The following SOS2 variants were observed in gnomAD, a reference collection of about 807,000 sequenced individuals.
SOS2 encodes son of sevenless homolog 2.
Under a neutral mutation model 148.2 loss-of-function variants are expected in SOS2, and 65 were observed. That is an observed-to-expected ratio of 0.44 (90% CI 0.36 to 0.54). SOS2 has a LOEUF of 0.54. Among genes scored for constraint, SOS2 ranks in the 20% least tolerant of loss-of-function variants. SOS2 has a pLI of 0.00. For synonymous variants in SOS2, 539 were observed against 537.1 expected, an observed-to-expected ratio of 1.00 and a Z score of -0.05; for missense variants, 1,341 against 1,590.2, an observed-to-expected ratio of 0.84 and a Z score of 2.67.
intron 1 of SOS2, among the ~76,000 whole-genome samples, chr14:50,213,890 GAA>G (rs1242909114): frequency 2.1e-4 from 17 of 80,714 alleles, no homozygotes; most frequent in Non-Finnish European, 2.7e-4. Context: ...TCCCTGCCAA[GAA>G]AAAAAAAAAA....
rs138924248 is a variant in SOS2, at chr14:50,202,626, T to G, written c.214-1542A>C. On this transcript the variant is annotated intron_variant, in intron 2 of 22. Transcript: ENST00000216373. ...TGCATGCACTTGTAGTCCCAGCTAC[T>G]TGGAAGGCTGAGGCAGGAGAACTGC... Among the ~76,000 whole-genome samples, 279 of 152,222 alleles carry G rather than the reference T, an allele frequency of 1.8e-3. 6 individuals carry two copies. Among genetic ancestry groups the G allele is most frequent in the African/African-American group, 5.6e-3 (234 of 41,528 alleles).
Position 50,224,760 on chromosome 14 carries a change from C to A in SOS2, c.87+6437G>T, listed in dbSNP as rs1369098293. 4.6e-5 allele frequency among the ~76,000 whole-genome samples: 7 copies of A among 151,938 alleles called. No individual in the cohort carries two copies. In the East Asian group the frequency reaches 1.4e-3, roughly 29 times the overall value. Reference sequence around the variant, plus strand: ...AATTAGCTGGGTGTAGTGGCACATGCCTGTAGTCCCAGCTACTCAGGAGGC... The same window carrying A: ...AATTAGCTGGGTGTAGTGGCACATGACTGTAGTCCCAGCTACTCAGGAGGC... On this transcript the variant is annotated intron_variant, in intron 1 of 22. Transcript: ENST00000216373.
At chr14:50,169,367 G>A (rs1013408545) in intron 8 of SOS2, among the ~76,000 whole-genome samples, 1 of 148,710 alleles carries the variant, frequency 6.7e-6, no homozygotes, top group Non-Finnish European at 1.5e-5. Context: ...AGGCACAGTG[G>A]CTCACACCTG....
In SOS2 at chr14:50,159,589, A is replaced by G; in HGVS notation, c.1694T>C (p.Leu565Pro). 1 of 1,613,980 alleles carries G rather than the reference A, an allele frequency of 6.2e-7. No individual in the cohort carries two copies. Among genetic ancestry groups the G allele is most frequent in the Non-Finnish European group, 8.5e-7 (1 of 1,179,884 alleles). The change falls in exon 10 of 23, where the codon CTG (leucine) becomes CCG (proline). Residue 565 changes from leucine (L) to proline (P), a missense_variant. By Grantham distance (98) the Leu-to-Pro change is moderately conservative. Transcript: ENST00000216373. ...VLLKEENEQP[L>P]RLPSPEVYRF... ...ATATACTTCAGGACTTGGTAATCTC[A>G]GTGGTTGCTCATTTTCTTCTTTCAA...
chr14:50,136,008 G>C (rs1594962758), intron 18 of SOS2, among the ~76,000 whole-genome samples: 1 of 152,098 alleles, frequency 6.6e-6, no homozygotes, highest in Non-Finnish European at 1.5e-5. Flanking sequence ...CTAGGTTTTA[G>C]CTTTAGCAGT....
rs936440590 is a variant in SOS2 at position 50,150,633 on chromosome 14, C to T, written c.2162-403G>A. 2.7e-5 allele frequency among the ~76,000 whole-genome samples: 4 copies of T among 150,686 alleles called. No individual in the cohort carries two copies. In the South Asian group the frequency reaches 8.4e-4, roughly 32 times the overall value. The stretch of plus-strand genomic sequence containing the variant: ...TTGGAGTGCAGTGGCGCAATCTCAA[C>T]TTATTGCAACTTCCATGTTGCGGGC... On this transcript the variant is annotated intron_variant, in intron 13 of 22. Coordinates refer to ENST00000216373, the MANE Select transcript of SOS2 (RefSeq NM_006939.4).
intron 12 of SOS2, chr14:50,156,464 T>C (rs1884825412): frequency 6.6e-6 from 1 of 152,262 alleles, no homozygotes; most frequent in Non-Finnish European, 1.5e-5. Flanking sequence ...CACAGTAGTA[T>C]TTATTAACTG....
chr14:50,186,787 A>G (rs1215917139), intron 5 of SOS2, among the ~76,000 whole-genome samples: 1 of 152,242 alleles, frequency 6.6e-6, no homozygotes, highest in Non-Finnish European at 1.5e-5. Flanking sequence ...GAGTTATTAT[A>G]AACATTGTTA....
At chr14:50,152,184 T>G (rs76760287) in intron 13 of SOS2, among the ~76,000 whole-genome samples, 1 of 152,212 alleles carries the variant, frequency 6.6e-6, no homozygotes, top group Non-Finnish European at 1.5e-5. Flanking sequence ...ACACTTGTTA[T>G]AGTATTTGTA....
At chr14:50,127,138 CTTTTTTT>C (rs5808538) in intron 21 of SOS2, among the ~76,000 whole-genome samples, 1 of 105,330 alleles carries the variant, frequency 9.5e-6, no homozygotes, top group Admixed American at 1.1e-4. Flanking sequence ...AGAAGGTCTC[CTTTTTTT>C]TTTTTTTTTT....
chr14:50,228,673 T>C (rs1275006704), intron 1 of SOS2, among the ~76,000 whole-genome samples: 1 of 152,228 alleles, frequency 6.6e-6, no homozygotes, highest in African/African-American at 2.4e-5. Flanking sequence ...CCAAGTAAGC[T>C]ACATTGCTGC....
At chr14:50,168,728 A>C (rs1286836580) in intron 8 of SOS2, among the ~76,000 whole-genome samples, 2 of 152,094 alleles carry the variant, frequency 1.3e-5, no homozygotes, top group Non-Finnish European at 2.9e-5. Context: ...ATTCTGTCTC[A>C]TGTTAAGCCT....
intron 21 of SOS2, among the ~76,000 whole-genome samples, chr14:50,127,665 C>A (rs746296043): frequency 3.3e-5 from 5 of 151,990 alleles, no homozygotes; most frequent in Non-Finnish European, 7.4e-5. Context: ...TATTTGGGTC[C>A]CTCTGTATGA....
chr14:50,188,605 A>G lies in SOS2; in HGVS notation c.606T>C (p.Leu202=), dbSNP rs1228196409. The G allele has an allele frequency of 1.2e-6, 2 of 1,609,724 alleles. No individual in the cohort carries two copies. The highest frequency in any genetic ancestry group is 1.7e-5 in the Admixed American group (1 of 59,144). ...SSSGELNYYD[L]VRTEIAEERQ... ...TTTCTTCTGCGATTTCAGTTCTGACAAGATCATAGTAGTTTAATTCACCAG... is the reference window on the plus strand; with the variant it reads ...TTTCTTCTGCGATTTCAGTTCTGACGAGATCATAGTAGTTTAATTCACCAG... Residue 202 remains leucine, a synonymous_variant, in exon 5 of 23, where the codon CTT becomes CTC. Transcript: ENST00000216373.
At chr14:50,146,757 G>A (rs985545190) in intron 14 of SOS2, among the ~76,000 whole-genome samples, 8 of 152,184 alleles carry the variant, frequency 5.3e-5, no homozygotes, top group African/African-American at 1.9e-4. Flanking sequence ...TGGATAAATT[G>A]TGGAGTATAA....
chr14:50,189,061 T>TCACACACACA (rs10599812), intron 4 of SOS2, among the ~76,000 whole-genome samples: 2,372 of 128,674 alleles, frequency 0.018, 63 homozygotes, highest in Admixed American at 0.041. Flanking sequence ...CGAGACTCCA[T>TCACACACACA]CACACACACA....
In SOS2 at chr14:50,228,058, T is replaced by C. The variant is rs1423816227; in HGVS notation, c.87+3139A>G. Among the ~76,000 whole-genome samples the C allele has an allele frequency of 7.9e-5, 12 of 151,870 alleles. 1 individual carries two copies. The highest frequency in any genetic ancestry group is 5.9e-4 in the Admixed American group (9 of 15,228). ...GATGCAAGTAATTTTTTTTTTTTTT[T>C]TGAGATGGAGTCTCGCTCTGTCGCC... is the stretch of plus-strand genomic sequence containing the variant. On this transcript the variant is annotated intron_variant, in intron 1 of 22. Coordinates refer to ENST00000216373, the MANE Select transcript of SOS2 (RefSeq NM_006939.4).
intron 2 of SOS2, among the ~76,000 whole-genome samples, chr14:50,201,532 G>GAAAAAA (rs11342999): frequency 2.2e-5 from 2 of 90,566 alleles, no homozygotes; most frequent in Non-Finnish European, 2.2e-5. Context: ...ACCCCCAACA[G>GAAAAAA]AAAAAAAAAA....
At chr14:50,219,747 C>T (rs1887145367) in intron 1 of SOS2, among the ~76,000 whole-genome samples, 1 of 152,076 alleles carries the variant, frequency 6.6e-6, no homozygotes, top group African/African-American at 2.4e-5. Context: ...ATATAATATT[C>T]TAAGGCAACA....
Sources: gnomAD v4.1 joint callset for allele counts (sites outside exome capture counted in the v4.1 genomes callset) on GRCh38, gnomAD v4.1.1 for gene constraint, MANE v1.5 for transcripts, NCBI Gene and HGNC (gene_info 2026-07-23, HGNC 2026-07-21) for gene names.